The following MARS1 variants were observed in gnomAD, a reference collection of about 807,000 sequenced individuals.
MARS1 encodes methionine--tRNA ligase, cytoplasmic.
In MARS1, 80 loss-of-function variants were observed where a neutral mutation model predicts 119.5. The observed-to-expected ratio is 0.67, with a 90% CI of 0.56 to 0.81. The LOEUF (loss-of-function observed/expected upper bound fraction) is 0.81. Among genes scored for constraint, MARS1 ranks in the 30% least tolerant of loss-of-function variants. MARS1 has a pLI of 0.00. For synonymous variants in MARS1, 418 were observed against 433.4 expected (o/e 0.96, Z 0.44); for missense variants, 945 against 1,116.5 (o/e 0.85, Z 2.19).
chr12:57,500,356 G>A lies in MARS1; in HGVS notation c.1127G>A (p.Arg376Gln), dbSNP rs150428018. 98 of 1,614,178 alleles carry A rather than the reference G, an allele frequency of 6.1e-5. No homozygotes were observed. In the African/African-American group the frequency reaches 1.0e-3, roughly 17 times the overall value. Residue 376 changes from arginine to glutamine, a missense_variant, in exon 10 of 21, where the codon CGA becomes CAA. Arg to Gln is a conservative substitution (Grantham distance 43). Transcript: ENST00000262027. ...TQDIFQQLLKRGFVLQDTVEQ... is the reference protein window; with the variant it reads ...TQDIFQQLLKQGFVLQDTVEQ... ...GACATTTTCCAGCAGTTGCTGAAAC[G>A]AGGTTTTGTGCTGCAAGATACTGTG...
intron 10 of MARS1, 50 bp from the exon 11 acceptor site, chr12:57,504,175 C>T: frequency 7.5e-7 from 1 of 1,339,646 alleles, no homozygotes; most frequent in Non-Finnish European, 1.1e-6. Flanking sequence ...TGCCTGGACC[C>T]CTCCCCTGGC....
intron 9 of MARS1, among the ~76,000 whole-genome samples, chr12:57,499,724 C>A (rs1051084795): frequency 1.3e-5 from 2 of 151,802 alleles, no homozygotes; most frequent in African/African-American, 4.8e-5. Flanking sequence ...CATGGTGAAA[C>A]CCCATCTCTA....
intron 11 of MARS1, among the ~76,000 whole-genome samples, chr12:57,510,013 A>T (rs75719980): frequency 6.6e-6 from 1 of 151,812 alleles, no homozygotes; most frequent in Non-Finnish European, 1.5e-5. Context: ...AGTGTGTTCA[A>T]ACAAAATTTT....
chr12:57,493,947 TA>T (rs1160245794), intron 7 of MARS1, among the ~76,000 whole-genome samples: 1 of 100,540 alleles, frequency 9.9e-6, no homozygotes, highest in Non-Finnish European at 1.9e-5. Flanking sequence ...ATTATATATA[TA>T]TTTTTTAATT....
chr12:57,514,453 G>A (rs764216041), intron 15 of MARS1, among the ~76,000 whole-genome samples: 12 of 152,130 alleles, frequency 7.9e-5, no homozygotes, highest in East Asian at 5.8e-4. Context: ...GAGCCACTGC[G>A]CCCGGCCGAG....
chr12:57,513,633 AG>A (rs1419802058), intron 15 of MARS1, among the ~76,000 whole-genome samples: 1 of 150,124 alleles, frequency 6.7e-6, no homozygotes, highest in Non-Finnish European at 1.5e-5. Flanking sequence ...AAAAAAAAAA[AG>A]GCTTCTGCTA....
At chr12:57,496,433 G>A (rs1876637680) in intron 7 of MARS1, among the ~76,000 whole-genome samples, 1 of 151,898 alleles carries the variant, frequency 6.6e-6, no homozygotes, top group Admixed American at 6.6e-5. Context: ...AAAGTGCTGG[G>A]ATTACAGGCG....
intron 7 of MARS1, among the ~76,000 whole-genome samples, chr12:57,493,306 TA>T (rs1193111486): frequency 9.3e-6 from 1 of 107,412 alleles, no homozygotes; most frequent in Admixed American, 1.5e-4. Flanking sequence ...ATATATATAA[TA>T]TATATTATAT....
chr12:57,516,031 C>A (rs751159663), intron 19 of MARS1, 40 bp downstream of exon 19: 2 of 1,589,476 alleles, frequency 1.3e-6, no homozygotes, highest in African/African-American at 2.7e-5. Flanking sequence ...CCACAACAGC[C>A]ACAGCATCAC....
chr12:57,504,626 A>G (rs891929621), intron 11 of MARS1, among the ~76,000 whole-genome samples: 1 of 149,914 alleles, frequency 6.7e-6, no homozygotes, highest in Non-Finnish European at 1.5e-5. Flanking sequence ...ATCATAGCTC[A>G]CTGCAGCCTT....
At chr12:57,510,287 CGTGGTG>C (rs1192504162) in intron 11 of MARS1, among the ~76,000 whole-genome samples, 1 of 151,848 alleles carries the variant, frequency 6.6e-6, no homozygotes, top group Non-Finnish European at 1.5e-5. Flanking sequence ...TCCTGGCCAA[CGTGGTG>C]AAACCCCATC....
At chr12:57,488,480 C>G in intron 1 of MARS1, 1 of 1,311,206 alleles carries the variant, frequency 7.6e-7, no homozygotes. Flanking sequence ...CCTTCCCAAC[C>G]TTCTCCTACA....
intron 10 of MARS1, among the ~76,000 whole-genome samples, chr12:57,501,232 C>T (rs1446538514): frequency 6.6e-6 from 1 of 152,226 alleles, no homozygotes; most frequent in East Asian, 1.9e-4. Context: ...ATAGCACTAG[C>T]ACAGTGAGTG....
rs1183068829 is a variant in MARS1 at position 57,512,763 on chromosome 12, A to G, written c.1766A>G (p.Tyr589Cys). The G allele has an allele frequency of 6.2e-7, 1 of 1,614,000 alleles. No individual in the cohort carries two copies. The highest frequency in any genetic ancestry group is 2.2e-5 in the East Asian group (1 of 44,884). Residue 589 changes from tyrosine (Y) to cysteine (C), a missense_variant, in exon 15 of 21, where the codon TAT becomes TGT. By Grantham distance (194) the Tyr-to-Cys change is radical. Coordinates refer to ENST00000262027, the MANE Select transcript of MARS1 (RefSeq NM_004990.4). ...SHLIATEYLN[Y>C]EDGKFSKSRG... ...CTCCTCTGTCCAGAGTACCTGAACT[A>G]TGAGGATGGGAAATTCTCTAAGAGC...
chr12:57,493,501 T>C (rs1353966381), intron 7 of MARS1, among the ~76,000 whole-genome samples: 1 of 5,684 alleles, frequency 1.8e-4, no homozygotes, highest in Non-Finnish European at 2.8e-4. Context: ...TATATTATAA[T>C]ATATAATATA....
At chr12:57,502,514 T>A (rs964093458) in intron 10 of MARS1, among the ~76,000 whole-genome samples, 3 of 151,390 alleles carry the variant, frequency 2.0e-5, no homozygotes, top group African/African-American at 7.3e-5. Flanking sequence ...CAGACCAGTC[T>A]GACCAACATG....
chr12:57,488,909 C>T, intron 1 of MARS1, 110 bp from the exon 2 acceptor site: 5 of 912,438 alleles, frequency 5.5e-6, no homozygotes, highest in East Asian at 2.5e-5. Flanking sequence ...GTTGAGACTG[C>T]CCATCTTTCT....
At chr12:57,505,447 C>T (rs1877139733) in intron 11 of MARS1, among the ~76,000 whole-genome samples, 1 of 152,084 alleles carries the variant, frequency 6.6e-6, no homozygotes, top group Non-Finnish European at 1.5e-5. Context: ...CAGGTGTGAG[C>T]CACCATCCCA....
rs772185624 is a variant in MARS1, at chr12:57,512,957, A to C, written c.1960A>C (p.Ile654Leu). ...SELLNNLGNF[I>L]NRAGMFVSKF... ...GCTGCTTAACAACCTGGGCAACTTCATCAACAGGTAGGACTTGGTAAGGGG... is the reference window on the plus strand; with the variant it reads ...GCTGCTTAACAACCTGGGCAACTTCCTCAACAGGTAGGACTTGGTAAGGGG... Residue 654 changes from isoleucine (I) to leucine (L), a missense_variant, in exon 15 of 21, where the codon ATC becomes CTC. Coordinates refer to ENST00000262027, the MANE Select transcript of MARS1 (RefSeq NM_004990.4). The C allele has an allele frequency of 5.6e-6, 9 of 1,614,146 alleles. No homozygotes were observed.
Sources: gnomAD v4.1 joint callset for allele counts (sites outside exome capture counted in the v4.1 genomes callset) on GRCh38, gnomAD v4.1.1 for gene constraint, MANE v1.5 for transcripts, NCBI Gene and HGNC (gene_info 2026-07-23, HGNC 2026-07-21) for gene names.